Variants in CTNNA2 observed in about 807,000 individuals in gnomAD.
CTNNA2 encodes catenin alpha 2.
A neutral mutation model predicts 101.0 loss-of-function variants in CTNNA2; 42 were observed. The ratio of observed to expected loss-of-function variants is 0.42; its 90% CI spans 0.32 to 0.54. CTNNA2 has a LOEUF of 0.54. CTNNA2 is among the 20% of genes least tolerant of loss of function. The pLI is 0.14. For missense variants in CTNNA2, 871 were observed against 1,223.1 expected (o/e 0.71, Z 4.29); for synonymous variants, 450 against 456.4 (o/e 0.99, Z 0.18).
chr2:80,360,989 G>A (rs1395618519), intron 7 of CTNNA2, among the ~76,000 whole-genome samples: 1 of 151,890 alleles, frequency 6.6e-6, no homozygotes, highest in African/African-American at 2.4e-5. Context: ...TCCAGAACCT[G>A]ATTTTTACCC....
chr2:79,527,920 A>G (rs1672513716), intron 1 of CTNNA2, among the ~76,000 whole-genome samples: 1 of 152,204 alleles, frequency 6.6e-6, no homozygotes, highest in Admixed American at 6.6e-5. Flanking sequence ...TCTGATGTCT[A>G]TTAATTGAAG....
chr2:79,861,499 G>T (rs183984213), intron 4 of CTNNA2, among the ~76,000 whole-genome samples: 1 of 152,172 alleles, frequency 6.6e-6, no homozygotes, highest in Non-Finnish European at 1.5e-5. Flanking sequence ...TGCTGAGGTC[G>T]TGTGGTTTGG....
chr2:79,267,672 A>G (rs1472764052), intron 2 of CTNNA2, among the ~76,000 whole-genome samples: 1 of 152,106 alleles, frequency 6.6e-6, no homozygotes, highest in East Asian at 1.9e-4. Flanking sequence ...CCCACCAAAG[A>G]GCTGTAGTGG....
chr2:80,142,215 A>G (rs1703057469), intron 7 of CTNNA2, among the ~76,000 whole-genome samples: 1 of 152,186 alleles, frequency 6.6e-6, no homozygotes, highest in African/African-American at 2.4e-5. Context: ...TATTTGACTT[A>G]TGACTTTGCC....
rs36104924 is a variant in CTNNA2 at position 80,568,566 on chromosome 2, CGTGTGT to C, written c.1742-5571_1742-5566del. Among the ~76,000 whole-genome samples, 1,182 of 149,162 alleles carry C rather than the reference CGTGTGT, an allele frequency of 7.9e-3. 13 individuals carry two copies. Among genetic ancestry groups the C allele is most frequent in the African/African-American group, 0.018 (733 of 40,684 alleles). ...GTATACTGAGTGCTATAATGGTGTG[CGTGTGT>C]GTGTGTGTGTGTGTGTGTGTGTGTG... On this transcript the variant is annotated intron_variant, in intron 12 of 18. Transcript: ENST00000402739.
intron 7 of CTNNA2, among the ~76,000 whole-genome samples, chr2:80,031,309 A>G (rs1695271885): frequency 6.6e-6 from 1 of 152,242 alleles, no homozygotes; most frequent in Non-Finnish European, 1.5e-5. Flanking sequence ...TGCTGCTAAT[A>G]AAGACATACC....
chr2:79,861,498 C>T (rs1054170327), intron 4 of CTNNA2, among the ~76,000 whole-genome samples: 3 of 152,096 alleles, frequency 2.0e-5, no homozygotes, highest in Admixed American at 6.6e-5. Context: ...CTGCTGAGGT[C>T]GTGTGGTTTG....
At chr2:79,982,404 C>CAT (rs1203317329) in intron 7 of CTNNA2, among the ~76,000 whole-genome samples, 239 of 140,642 alleles carry the variant, frequency 1.7e-3, no homozygotes, top group Middle Eastern at 7.6e-3. Flanking sequence ...ACATATATAA[C>CAT]ATATAACACA....
intron 2 of CTNNA2, among the ~76,000 whole-genome samples, chr2:79,705,770 A>G (rs896024352): frequency 6.6e-6 from 1 of 152,236 alleles, no homozygotes; most frequent in African/African-American, 2.4e-5. Context: ...ACTGCATTGC[A>G]TGGGCTTCAT....
chr2:80,291,263 C>T (rs752925752), intron 7 of CTNNA2, among the ~76,000 whole-genome samples: 6 of 152,224 alleles, frequency 3.9e-5, no homozygotes, highest in Non-Finnish European at 8.8e-5. Flanking sequence ...TAGAAAGTTA[C>T]TCTTACTTTT....
chr2:79,768,077 CTG>C (rs1471124107), intron 3 of CTNNA2, among the ~76,000 whole-genome samples: 8 of 151,790 alleles, frequency 5.3e-5, no homozygotes, highest in Non-Finnish European at 1.2e-4. Flanking sequence ...GTTCAGACCT[CTG>C]AGATCTGTGG....
chr2:79,239,835 G>A lies in CTNNA2; in HGVS notation c.-406+41759G>A, dbSNP rs575882001. ...CTAATATCCGGAATATACGAGGAACGTAAAAGTGCTTTTTAATGTTTAGGG... is the reference window on the plus strand; with the variant it reads ...CTAATATCCGGAATATACGAGGAACATAAAAGTGCTTTTTAATGTTTAGGG... On this transcript the variant is annotated intron_variant, in intron 2 of 21. Coordinates refer to the CTNNA2 transcript ENST00000466387. 7.2e-5 allele frequency among the ~76,000 whole-genome samples: 11 copies of A among 152,138 alleles called. No individual in the cohort carries two copies. In the East Asian group the frequency reaches 1.4e-3, roughly 19 times the overall value.
intron 4 of CTNNA2, among the ~76,000 whole-genome samples, chr2:79,434,094 G>A (rs1678687042): frequency 6.6e-6 from 1 of 151,898 alleles, no homozygotes; most frequent in African/African-American, 2.4e-5. Context: ...AGGATTTCGA[G>A]ACCAGCCTGG....
chr2:79,474,805 A>T (rs1325921479), intron 4 of CTNNA2, among the ~76,000 whole-genome samples: 1 of 152,082 alleles, frequency 6.6e-6, no homozygotes, highest in Non-Finnish European at 1.5e-5. Context: ...GCTGATCTAG[A>T]TATTCATTTT....
intron 3 of CTNNA2, among the ~76,000 whole-genome samples, chr2:79,324,510 C>T (rs1409652507): frequency 1.3e-5 from 2 of 152,148 alleles, no homozygotes; most frequent in East Asian, 3.9e-4. Flanking sequence ...TTAGCCAGTA[C>T]TTCAAAACAG....
At chr2:79,578,409 C>A (rs1246148372) in intron 1 of CTNNA2, among the ~76,000 whole-genome samples, 2 of 152,012 alleles carry the variant, frequency 1.3e-5, no homozygotes, top group Non-Finnish European at 2.9e-5. Flanking sequence ...TTTTAACTTA[C>A]CTTTTGTGGG....
rs143657063 is a variant in CTNNA2 at position 80,178,489 on chromosome 2, C to T, written c.1057-214722C>T. On this transcript the variant is annotated intron_variant, in intron 7 of 18. Coordinates refer to ENST00000402739, the MANE Select transcript of CTNNA2 (RefSeq NM_001282597.3). Reference sequence around the variant, plus strand: ...CTGTGATTCACCTATGGGGGCCTGCCAAAGGCTCCAAACTGCATCCCTATT... The same window carrying T: ...CTGTGATTCACCTATGGGGGCCTGCTAAAGGCTCCAAACTGCATCCCTATT... Among the ~76,000 whole-genome samples the T allele has an allele frequency of 1.6e-3, 238 of 152,308 alleles. 1 individual carries two copies. The highest frequency in any genetic ancestry group is 5.4e-3 in the African/African-American group (223 of 41,562).
Position 79,412,783 on chromosome 2 carries a change from G to A in CTNNA2, c.-135+38770G>A, listed in dbSNP as rs980996136. Among the ~76,000 whole-genome samples the A allele has an allele frequency of 2.6e-5, 4 of 152,070 alleles. No individual in the cohort carries two copies. In the East Asian group the frequency reaches 7.7e-4, roughly 29 times the overall value. On this transcript the variant is annotated intron_variant, in intron 4 of 21. Coordinates refer to the CTNNA2 transcript ENST00000466387. ...AAATTTATAGCACAAAGAATAAATTGAGAAGGAGAAACTGGATGGTGAAGG... is the reference window on the plus strand; with the variant it reads ...AAATTTATAGCACAAAGAATAAATTAAGAAGGAGAAACTGGATGGTGAAGG...
At chr2:79,607,312 T>C (rs1471634243) in intron 1 of CTNNA2, among the ~76,000 whole-genome samples, 2 of 152,134 alleles carry the variant, frequency 1.3e-5, no homozygotes, top group Non-Finnish European at 2.9e-5. Context: ...TACATTATAA[T>C]CAGAAATCTT....
Sources: gnomAD v4.1 joint callset for allele counts (sites outside exome capture counted in the v4.1 genomes callset) on GRCh38, gnomAD v4.1.1 for gene constraint, MANE v1.5 for transcripts, NCBI Gene and HGNC (gene_info 2026-07-23, HGNC 2026-07-21) for gene names.